The following ATP8B4 variants were observed in gnomAD, a reference collection of about 807,000 sequenced individuals.
ATP8B4 encodes the protein ATPase phospholipid transporting 8B4 (putative), also known as probable phospholipid-transporting ATPase IM.
Under a neutral mutation model 145.6 loss-of-function variants are expected in ATP8B4, and 133 were observed. The ratio of observed to expected loss-of-function variants is 0.91; its 90% confidence interval spans 0.79 to 1.05. The LOEUF (loss-of-function observed/expected upper bound fraction) is 1.05. ATP8B4 is among the 50% of genes least tolerant of loss of function. ATP8B4 has a pLI of 0.00. For missense variants in ATP8B4, 1,458 were observed against 1,425.2 expected (o/e 1.02, Z -0.37); for synonymous variants, 507 against 492.9 (o/e 1.03, Z -0.38).
At position 50,086,000 on chromosome 15, in the gene ATP8B4, T is replaced by G. The variant is rs1268351960; in HGVS notation, c.29-11815A>C. 1.5e-3 allele frequency among the ~76,000 whole-genome samples: 52 copies of G among 35,180 alleles called. 1 individual carries two copies. The highest frequency in any genetic ancestry group is 5.3e-3 in the African/African-American group (29 of 5,516). The allele number at this position is 35,180 out of a possible 152,430, so 23.1% of individuals were successfully genotyped here. A position where few individuals can be genotyped will look rare whatever the true frequency, so the allele number is the denominator to read the frequency against. On this transcript the variant is annotated intron_variant, in intron 2 of 27. Transcript: ENST00000284509. ...TATCAAATATATCATATATATTTAT[T>G]ATATATAATATATATAGATCTATAT...
chr15:50,081,332 A>T (rs2054544490), intron 2 of ATP8B4, among the ~76,000 whole-genome samples: 1 of 152,172 alleles, frequency 6.6e-6, no homozygotes, highest in South Asian at 2.1e-4. Context: ...TACCAGAAAA[A>T]TCCTTTTTTA....
intron 15 of ATP8B4, among the ~76,000 whole-genome samples, chr15:49,932,284 G>A (rs2041340653): frequency 6.6e-6 from 1 of 151,754 alleles, no homozygotes; most frequent in Non-Finnish European, 1.5e-5. Context: ...CAGAGGAAAG[G>A]GTGAAATGAT....
intron 1 of ATP8B4, among the ~76,000 whole-genome samples, chr15:50,137,738 T>A (rs2044142073): frequency 6.6e-6 from 1 of 152,210 alleles, no homozygotes; most frequent in South Asian, 2.1e-4. Flanking sequence ...GTGACGCACA[T>A]GATCCTTAGA....
chr15:49,979,468 G>T, intron 12 of ATP8B4, 149 bp downstream of exon 12: 1 of 549,338 alleles, frequency 1.8e-6, no homozygotes, highest in Non-Finnish European at 2.9e-6. Flanking sequence ...AGATTAAACA[G>T]CTAAGCTGTC....
In ATP8B4 at chr15:50,002,178, A is replaced by C; in HGVS notation, c.481T>G (p.Tyr161Asp). The change falls in exon 8 of 28, where the codon TAT (tyrosine) becomes GAT (aspartate). Residue 161 changes from tyrosine (Y) to aspartate (D), a missense_variant. Transcript: ENST00000284509. ...CCATCAAGCTCAGCAGTTTCAACAT[A>C]ACAGAGACCATGTGGCTCACTACTT... is the stretch of plus-strand genomic sequence containing the variant. ...LSSSEPHGLCYVETAELDGET... is the reference protein window; with the variant it reads ...LSSSEPHGLCDVETAELDGET... The C allele has an allele frequency of 6.2e-7, 1 of 1,611,176 alleles. No individual in the cohort carries two copies. The highest frequency in any genetic ancestry group is 8.5e-7 in the Non-Finnish European group (1 of 1,178,132).
Position 50,071,166 on chromosome 15 carries a change from G to A in ATP8B4, c.87+2961C>T, listed in dbSNP as rs144252447. Among the ~76,000 whole-genome samples, 5 of 152,278 alleles carry A rather than the reference G, an allele frequency of 3.3e-5. No homozygotes were observed. The East Asian group carries it at 5.8e-4, about 18-fold the overall frequency. ...AGAAGAGCCACAGCCACACATGTGC[G>A]TGCTTTTGTTCAATATCATGAAAAC... is the stretch of plus-strand genomic sequence containing the variant. On this transcript the variant is annotated intron_variant, in intron 3 of 27. Transcript: ENST00000284509.
At chr15:50,063,282 T>C (rs1399667842) in intron 3 of ATP8B4, among the ~76,000 whole-genome samples, 2 of 152,096 alleles carry the variant, frequency 1.3e-5, no homozygotes, top group Non-Finnish European at 2.9e-5. Context: ...ATGTTCTTCA[T>C]TGTGTTGTGC....
chr15:50,100,035 C>CAAAAA lies in ATP8B4; in HGVS notation c.28+6899_28+6903dup, dbSNP rs751319243. Among the ~76,000 whole-genome samples, 3 of 80,192 alleles carry CAAAAA rather than the reference C, an allele frequency of 3.7e-5. No individual in the cohort carries two copies. In the Admixed American group the frequency reaches 4.0e-4, roughly 11 times the overall value. The allele number at this position is 80,192 out of a possible 152,430, so 52.6% of individuals were successfully genotyped here. On this transcript the variant is annotated intron_variant, in intron 2 of 27. Coordinates refer to ENST00000284509, the MANE Select transcript of ATP8B4 (RefSeq NM_024837.4). ...GGGCAACAAGAGCAAAACTCCATCT[C>CAAAAA]AAAAAAAAAAAAAAAAAAAGAATGC...
At chr15:49,864,815 G>T (rs575173885) in intron 26 of ATP8B4, among the ~76,000 whole-genome samples, 1 of 152,290 alleles carries the variant, frequency 6.6e-6, no homozygotes, top group East Asian at 1.9e-4. Flanking sequence ...TACATGCTAA[G>T]TGCTTTATAT....
chr15:50,168,742 A>G (rs2044629076), intron 1 of ATP8B4, among the ~76,000 whole-genome samples: 1 of 152,336 alleles, frequency 6.6e-6, no homozygotes, highest in African/African-American at 2.4e-5. Context: ...GGGAAGGACT[A>G]AAGCCCTTTT....
Position 50,038,906 on chromosome 15 carries a change from T to C in ATP8B4, c.301-77A>G, listed in dbSNP as rs1008284640. 3.0e-5 allele frequency: 38 copies of C among 1,273,464 alleles called. No homozygotes were observed. The African/African-American group carries it at 4.7e-4, about 16-fold the overall frequency. 78.9% of individuals were successfully genotyped at this position (1,273,464 alleles called of 1,614,324 possible). ...CCCAAATAAGCACACTGGCAATACT[T>C]TGAGTTCATCCATTTAAACTGTGTT... On this transcript the variant is annotated intron_variant, in intron 5 of 27. Transcript: ENST00000284509.
rs759271204 is a variant in ATP8B4, at chr15:49,972,572, T to C, written c.1243+10A>G. Reference sequence around the variant, plus strand: ...CAATATCGTTAAGAGAAAGGAACTGTTTCTCTTACCATAGATTCTCCCATT... The same window carrying C: ...CAATATCGTTAAGAGAAAGGAACTGCTTCTCTTACCATAGATTCTCCCATT... On this transcript the variant is annotated intron_variant, in intron 13 of 27. Transcript: ENST00000284509. The C allele has an allele frequency of 1.1e-5, 18 of 1,607,624 alleles. No individual in the cohort carries two copies. The East Asian group carries it at 3.3e-4, about 30-fold the overall frequency.
At chr15:49,914,735 CAG>C (rs1487001263) in intron 20 of ATP8B4, among the ~76,000 whole-genome samples, 1 of 152,094 alleles carries the variant, frequency 6.6e-6, no homozygotes, top group East Asian at 1.9e-4. Flanking sequence ...CATTAATTAT[CAG>C]AGACATGCAA....
intron 1 of ATP8B4, among the ~76,000 whole-genome samples, chr15:50,160,343 A>T (rs2044498070): frequency 1.3e-5 from 2 of 151,354 alleles, no homozygotes; most frequent in Non-Finnish European, 3.0e-5. Flanking sequence ...ATTTCATTTC[A>T]TTGATCTTTT....
chr15:49,927,826 G>A (rs943482719), intron 16 of ATP8B4, among the ~76,000 whole-genome samples: 1 of 152,012 alleles, frequency 6.6e-6, no homozygotes, highest in African/African-American at 2.4e-5. Flanking sequence ...AACGGCATGT[G>A]TGCTCATCAG....
At chr15:49,923,263 C>T in intron 17 of ATP8B4, 116 bp downstream of exon 17, 1 of 750,440 alleles carries the variant, frequency 1.3e-6, no homozygotes, top group East Asian at 2.8e-5. Context: ...AACCATTCTC[C>T]AGATGCTTTC....
chr15:50,121,079 G>T (rs1425577441), upstream of ATP8B4, among the ~76,000 whole-genome samples: 1 of 152,162 alleles, frequency 6.6e-6, no homozygotes, highest in Admixed American at 6.5e-5. Flanking sequence ...AGATCAAGTT[G>T]CAGAAGAATT....
chr15:50,051,224 T>C (rs967887001), intron 3 of ATP8B4, among the ~76,000 whole-genome samples: 1 of 152,226 alleles, frequency 6.6e-6, no homozygotes, highest in African/African-American at 2.4e-5. Context: ...TCAGCACTTC[T>C]CCTTGTTGCC....
At chr15:49,886,937 G>A (rs2153416940) in intron 23 of ATP8B4, among the ~76,000 whole-genome samples, 1 of 152,098 alleles carries the variant, frequency 6.6e-6, no homozygotes, top group Admixed American at 6.5e-5. Context: ...AGCCTCCCGA[G>A]TAGCTGGGAT....
Sources: gnomAD v4.1 joint callset for allele counts (sites outside exome capture counted in the v4.1 genomes callset) on GRCh38, gnomAD v4.1.1 for gene constraint, MANE v1.5 for transcripts, NCBI Gene and HGNC (gene_info 2026-07-23, HGNC 2026-07-21) for gene names.